The following MMS22L variants were observed in gnomAD, a reference collection of about 807,000 sequenced individuals.
MMS22L encodes the protein MMS22 like, DNA repair protein.
MMS22L carries 74 observed loss-of-function variants against 159.1 expected under a neutral mutation model. That is an observed-to-expected ratio of 0.47 (90% CI 0.39 to 0.56). MMS22L has a LOEUF of 0.56. Among genes scored for constraint, MMS22L ranks in the 20% least tolerant of loss-of-function variants. The pLI is 0.00. For missense variants in MMS22L, 1,351 were observed against 1,422.1 expected (o/e 0.95, Z 0.80); for synonymous variants, 517 against 506.9 (o/e 1.02, Z -0.27).
intron 14 of MMS22L, among the ~76,000 whole-genome samples, chr6:97,202,509 A>T (rs1807287775): frequency 6.6e-6 from 1 of 152,010 alleles, no homozygotes. Flanking sequence ...CTGAGCTATT[A>T]CCTTAGCGTT....
At chr6:97,207,032 T>C (rs961360252) in intron 14 of MMS22L, among the ~76,000 whole-genome samples, 3 of 152,302 alleles carry the variant, frequency 2.0e-5, no homozygotes, top group Non-Finnish European at 4.4e-5. Flanking sequence ...TTTAAAATTA[T>C]AATACTTTTT....
intron 6 of MMS22L, chr6:97,271,106 C>T (rs971560132): frequency 1.3e-5 from 2 of 151,910 alleles, no homozygotes; most frequent in African/African-American, 2.4e-5. Context: ...ACTGGAAGTA[C>T]CAATTAAAAC....
intron 9 of MMS22L, among the ~76,000 whole-genome samples, chr6:97,257,767 T>TTAA (rs1562514222): frequency 1.4e-5 from 2 of 143,142 alleles, no homozygotes; most frequent in Non-Finnish European, 3.1e-5. Context: ...TGGTACATGA[T>TTAA]ATCAATCTGT....
intron 14 of MMS22L, among the ~76,000 whole-genome samples, chr6:97,217,939 C>T (rs1809203022): frequency 6.6e-6 from 1 of 151,974 alleles, no homozygotes; most frequent in South Asian, 2.1e-4. Context: ...CACTCTAATC[C>T]CAATACAGAC....
At chr6:97,240,255 A>G (rs1562495038) in intron 11 of MMS22L, among the ~76,000 whole-genome samples, 1 of 152,242 alleles carries the variant, frequency 6.6e-6, no homozygotes, top group Non-Finnish European at 1.5e-5. Flanking sequence ...CTAAAACTGA[A>G]GGAATAGCAG....
chr6:97,188,281 CAATA>C, intron 14 of MMS22L, among the ~76,000 whole-genome samples: 1 of 152,236 alleles, frequency 6.6e-6, no homozygotes, highest in East Asian at 1.9e-4. Flanking sequence ...TTTCAAAAGA[CAATA>C]AATAACTTAT....
At chr6:97,172,970 G>A (rs1320676616) in intron 19 of MMS22L, 93 bp downstream of exon 19, 3 of 1,168,428 alleles carry the variant, frequency 2.6e-6, no homozygotes, top group African/African-American at 3.2e-5. Context: ...TGTATGGAGG[G>A]TAGTGATTTA....
At position 97,229,190 on chromosome 6, in the gene MMS22L, A is replaced by G. The variant is rs1290323611; in HGVS notation, c.1743T>C (p.Tyr581=). The G allele has an allele frequency of 1.9e-6, 3 of 1,614,162 alleles. No individual in the cohort carries two copies. The highest frequency in any genetic ancestry group is 4.5e-5 in the East Asian group (2 of 44,872). Reference sequence around the variant, plus strand: ...CACCAATGTCCAGATTTTTCTGGGCATACATCAAGAGGAAGGCCATGTGAC... The same window carrying G: ...CACCAATGTCCAGATTTTTCTGGGCGTACATCAAGAGGAAGGCCATGTGAC... ...WKGHMAFLLM[Y]AQKNLDIGVL... The change falls in exon 14 of 25, where the codon TAT becomes TAC. Residue 581 remains tyrosine, a synonymous_variant. Transcript: ENST00000683635.
chr6:97,190,962 C>T (rs973613262), intron 14 of MMS22L, among the ~76,000 whole-genome samples: 1 of 152,178 alleles, frequency 6.6e-6, no homozygotes, highest in African/African-American at 2.4e-5. Flanking sequence ...TCCTACGCTT[C>T]TATTTTAGCT....
At chr6:97,279,953 C>G (rs1049186089) in intron 3 of MMS22L, among the ~76,000 whole-genome samples, 15 of 152,072 alleles carry the variant, frequency 9.9e-5, no homozygotes, top group Non-Finnish European at 1.5e-4. Context: ...ATCTTAATTC[C>G]TGATAGCAAT....
chr6:97,282,560 G>A lies in MMS22L; in HGVS notation c.-76-7C>T, dbSNP rs950842746. The A allele has an allele frequency of 8.2e-4, 31 of 37,610 alleles. No homozygotes were observed. Among genetic ancestry groups the A allele is most frequent in the African/African-American group, 5.0e-3 (29 of 5,780 alleles). The allele number at this position is 37,610 out of a possible 1,614,324, so 2.3% of individuals were successfully genotyped here. On this transcript the variant is annotated splice_region_variant and splice_polypyrimidine_tract_variant and intron_variant, in intron 1 of 24. Transcript: ENST00000683635. ...AGAAGGTGTGAAGAGATTCCTGTTG[G>A]GGGGGGGGGGGTGGGGCCGAGAGAG... is the stretch of plus-strand genomic sequence containing the variant.
chr6:97,207,471 A>G (rs765434303), intron 14 of MMS22L, among the ~76,000 whole-genome samples: 5 of 152,228 alleles, frequency 3.3e-5, no homozygotes, highest in Admixed American at 6.5e-5. Flanking sequence ...TTTAAAAAAA[A>G]TTATCACATA....
In MMS22L at chr6:97,254,170, G is replaced by T. The variant is rs1295167065; in HGVS notation, c.1119+387C>A. The T allele has an allele frequency of 5.7e-5, 9 of 157,788 alleles. No homozygotes were observed. In the South Asian group the frequency reaches 1.7e-3, roughly 29 times the overall value. The allele number at this position is 157,788 out of a possible 1,614,324, so 9.8% of individuals were successfully genotyped here. ...TTTATTAAATTATTCACAAAAATAAGTAATTCATTCCTCGAGAAATTTCTT... is the reference window on the plus strand; with the variant it reads ...TTTATTAAATTATTCACAAAAATAATTAATTCATTCCTCGAGAAATTTCTT... On this transcript the variant is annotated intron_variant, in intron 10 of 24. Transcript: ENST00000683635.
intron 14 of MMS22L, among the ~76,000 whole-genome samples, chr6:97,214,406 T>C (rs1808743029): frequency 6.6e-6 from 1 of 152,224 alleles, no homozygotes. Flanking sequence ...GATGATATAG[T>C]AAGCGAAGAA....
intron 18 of MMS22L, among the ~76,000 whole-genome samples, chr6:97,174,008 A>T (rs951950045): frequency 2.6e-5 from 4 of 152,196 alleles, no homozygotes; most frequent in Middle Eastern, 3.4e-3. Context: ...TAATCCCAGC[A>T]GTTTGGGAGG....
intron 4 of MMS22L, among the ~76,000 whole-genome samples, chr6:97,277,063 C>A (rs1282670064): frequency 6.6e-6 from 1 of 152,172 alleles, no homozygotes; most frequent in African/African-American, 2.4e-5. Context: ...AGCCTAAAAG[C>A]TGATAGCTAA....
At position 97,229,246 on chromosome 6, in the gene MMS22L, CA is replaced by C; in HGVS notation, c.1686del (p.Phe562LeufsTer2). ...CAAATGAGGGCTCTCTGAGACGTTA[CA>C]AAAGCAGGCTTGAGGAAATTCAGGA... ...LDLLNFLKPA[F>X]VTSQRALIWK... On this transcript the variant is annotated frameshift_variant, in exon 14 of 25. Coordinates refer to ENST00000683635, the MANE Select transcript of MMS22L (RefSeq NM_001350599.2). LOFTEE classifies it high-confidence loss of function. 1 of 1,614,112 alleles carries C rather than the reference CA, an allele frequency of 6.2e-7. No individual in the cohort carries two copies. Among genetic ancestry groups the C allele is most frequent in the Admixed American group, 1.7e-5 (1 of 60,030 alleles).
chr6:97,193,427 GTCA>G (rs1806103211), intron 14 of MMS22L, among the ~76,000 whole-genome samples: 1 of 152,156 alleles, frequency 6.6e-6, no homozygotes, highest in African/African-American at 2.4e-5. Context: ...CCAGTAAGAA[GTCA>G]TCATTTTTAG....
intron 15 of MMS22L, among the ~76,000 whole-genome samples, chr6:97,184,096 G>A (rs1453486975): frequency 6.6e-6 from 1 of 152,070 alleles, no homozygotes; most frequent in African/African-American, 2.4e-5. Context: ...GGTCACCAGT[G>A]ACTTCCCTCT....
Sources: gnomAD v4.1 joint callset for allele counts (sites outside exome capture counted in the v4.1 genomes callset) on GRCh38, gnomAD v4.1.1 for gene constraint, MANE v1.5 for transcripts, NCBI Gene and HGNC (gene_info 2026-07-23, HGNC 2026-07-21) for gene names.